STK24: variants seen among roughly 807,000 people sequenced by gnomAD.
STK24 encodes serine/threonine kinase 24, also known as serine/threonine-protein kinase 24.
Under a neutral mutation model 55.6 loss-of-function variants are expected in STK24, and 21 were observed. The ratio of observed to expected loss-of-function variants is 0.38; its 90% CI spans 0.27 to 0.54. The LOEUF (loss-of-function observed/expected upper bound fraction) is 0.54. STK24 is among the 20% of genes least tolerant of loss of function. The pLI, the probability that STK24 is intolerant of heterozygous loss-of-function variation, is 0.79. For missense variants in STK24, 383 were observed against 538.4 expected (o/e 0.71, Z 2.86); for synonymous variants, 200 against 215.2 (o/e 0.93, Z 0.62).
chr13:98,505,391 A>G (rs1895646847), intron 2 of STK24, among the ~76,000 whole-genome samples: 1 of 152,254 alleles, frequency 6.6e-6, no homozygotes, highest in Admixed American at 6.5e-5. Context: ...TCCAAAATTC[A>G]TGTACTATAC....
At chr13:98,575,787 C>T (rs1279648453) in intron 1 of STK24, among the ~76,000 whole-genome samples, 1 of 152,166 alleles carries the variant, frequency 6.6e-6, no homozygotes, top group Non-Finnish European at 1.5e-5. Context: ...CCTAAGATTT[C>T]CATCCTAAGC....
At position 98,463,801 on chromosome 13, in the gene STK24, A is replaced by G. The variant is rs758069761; in HGVS notation, c.819T>C (p.Phe273=). The part of the protein sequence containing the change: ...PTAKELLKHK[F]ILRNAKKTSY... ...AAGTTTTCTTTGCATTGCGTAGTAT[A>G]AACTTGTGCTTCAATAACTCCTTAG... Residue 273 remains phenylalanine (F), a synonymous_variant, in exon 7 of 11, where the codon TTT becomes TTC. Coordinates refer to ENST00000539966, the MANE Select transcript of STK24 (RefSeq NM_001032296.4). The G allele has an allele frequency of 6.2e-7, 1 of 1,614,160 alleles. No individual in the cohort carries two copies. The highest frequency in any genetic ancestry group is 1.1e-5 in the South Asian group (1 of 91,084).
At chr13:98,563,275 A>G (rs1897476435) in intron 1 of STK24, among the ~76,000 whole-genome samples, 1 of 152,196 alleles carries the variant, frequency 6.6e-6, no homozygotes, top group African/African-American at 2.4e-5. Flanking sequence ...TAGATGGCAC[A>G]CTTCAATCGC....
rs56021612 is a variant in STK24, at chr13:98,448,737, GTGTTTGTTTGTT to G, written c.*4424_*4435del. 1 of 157,484 alleles carries G rather than the reference GTGTTTGTTTGTT, an allele frequency of 6.3e-6. No homozygotes were observed. Among genetic ancestry groups the G allele is most frequent in the Non-Finnish European group, 1.4e-5 (1 of 71,874 alleles). 9.8% of individuals were successfully genotyped at this position (157,484 alleles called of 1,614,324 possible). On this transcript the variant is annotated 3_prime_UTR_variant, in exon 11 of 11. Transcript: ENST00000539966. The stretch of plus-strand genomic sequence containing the variant: ...TGCATTTTACGAAGTGGACTTCCCG[GTGTTTGTTTGTT>G]TGTTTGCAATACACTCAGTGCAGCC...
At chr13:98,465,149 G>C (rs1893880923) in intron 6 of STK24, among the ~76,000 whole-genome samples, 1 of 152,182 alleles carries the variant, frequency 6.6e-6, no homozygotes, top group African/African-American at 2.4e-5. Context: ...CAGACAGCAG[G>C]AACACCCAAA....
At chr13:98,475,076 C>A in intron 4 of STK24, 98 bp from the exon 5 acceptor site, 21 of 1,476,014 alleles carry the variant, frequency 1.4e-5, no homozygotes, top group Non-Finnish European at 1.8e-5. Flanking sequence ...GCGAACCCAC[C>A]GAGCACAGGC....
At chr13:98,479,196 G>C (rs1247285689) in intron 3 of STK24, among the ~76,000 whole-genome samples, 1 of 152,230 alleles carries the variant, frequency 6.6e-6, no homozygotes, top group Non-Finnish European at 1.5e-5. Context: ...TGGAACTTGA[G>C]AGATGACTGA....
At chr13:98,549,308 T>G (rs1193129653) in intron 1 of STK24, among the ~76,000 whole-genome samples, 1 of 152,330 alleles carries the variant, frequency 6.6e-6, no homozygotes, top group East Asian at 1.9e-4. Flanking sequence ...ATTCGGTGTG[T>G]ACTGAGTGCC....
intron 1 of STK24, among the ~76,000 whole-genome samples, chr13:98,545,429 G>A (rs1281167948): frequency 2.0e-5 from 3 of 152,048 alleles, no homozygotes; most frequent in East Asian, 1.9e-4. Context: ...GGTGGATCAC[G>A]AGGTCAGGAG....
In STK24 at chr13:98,451,707, A is replaced by G. The variant is rs1329126301; in HGVS notation, c.*1466T>C. On this transcript the variant is annotated 3_prime_UTR_variant, in exon 11 of 11. Transcript: ENST00000539966. The stretch of plus-strand genomic sequence containing the variant: ...CCACAAGAACTGGCACACCCACGGG[A>G]GATGTCAATCATCAGCTTCAACAAA... 1 of 152,212 alleles carries G rather than the reference A, an allele frequency of 6.6e-6. No homozygotes were observed. Among genetic ancestry groups the G allele is most frequent in the Non-Finnish European group, 1.5e-5 (1 of 68,044 alleles). The allele number at this position is 152,212 out of a possible 1,614,324, so 9.4% of individuals were successfully genotyped here.
At chr13:98,520,745 A>G (rs548795959) in intron 1 of STK24, among the ~76,000 whole-genome samples, 1 of 152,336 alleles carries the variant, frequency 6.6e-6, no homozygotes, top group East Asian at 1.9e-4. Flanking sequence ...TCTCCAAGAG[A>G]ACTGTTGAAA....
chr13:98,473,626 C>T (rs1894246441), intron 5 of STK24, among the ~76,000 whole-genome samples: 1 of 152,160 alleles, frequency 6.6e-6, no homozygotes, highest in Non-Finnish European at 1.5e-5. Context: ...GGGCACACAC[C>T]CAAGACCAGC....
At chr13:98,459,094 G>T (rs1446305788) in intron 9 of STK24, among the ~76,000 whole-genome samples, 1 of 152,166 alleles carries the variant, frequency 6.6e-6, no homozygotes, top group East Asian at 1.9e-4. Context: ...GAATGAAAAA[G>T]TCCATGCACT....
rs1392652949 is a variant in STK24, at chr13:98,548,345, G to A, written c.42+28400C>T. On this transcript the variant is annotated intron_variant, in intron 1 of 10. Coordinates refer to ENST00000539966, the MANE Select transcript of STK24 (RefSeq NM_001032296.4). ...TATGGTGTGACCTGCAGCCTCAGCT[G>A]TGTTGTCCTTTCTAAGCCACAACTG... Among the ~76,000 whole-genome samples the A allele has an allele frequency of 3.9e-5, 6 of 152,306 alleles. 1 individual carries two copies. The highest frequency in any genetic ancestry group is 1.4e-4 in the African/African-American group (6 of 41,556).
rs754656841 is a variant in STK24 at position 98,446,646 on chromosome 13, G to T, written c.*6527C>A. 1.2e-6 allele frequency: 2 copies of T among 1,612,938 alleles called. No homozygotes were observed. The highest frequency in any genetic ancestry group is 1.7e-6 in the Non-Finnish European group (2 of 1,179,092). ...GAAGCTGACCCCGAAAAGCCACTTT[G>T]CTTTGTTTCCCCTTTCCAGGACAAT... On this transcript the variant is annotated 3_prime_UTR_variant, in exon 11 of 11. Transcript: ENST00000539966.
chr13:98,495,165 T>C (rs529123024), intron 2 of STK24, among the ~76,000 whole-genome samples: 2 of 152,350 alleles, frequency 1.3e-5, no homozygotes, highest in East Asian at 3.9e-4. Flanking sequence ...AGCAGGTGTC[T>C]TTACTTACTC....
rs563834915 is a variant in STK24, at chr13:98,485,394, C to T, written c.274-3073G>A. Among the ~76,000 whole-genome samples, 48 of 152,174 alleles carry T rather than the reference C, an allele frequency of 3.2e-4. No individual in the cohort carries two copies. The East Asian group carries it at 9.1e-3, about 29-fold the overall frequency. ...TGCTCAGTCAGTTCCTGGGTGGGGG[C>T]CACAAGATCAGATGAACCAGTTTAT... On this transcript the variant is annotated intron_variant, in intron 2 of 10. Coordinates refer to ENST00000539966, the MANE Select transcript of STK24 (RefSeq NM_001032296.4).
At chr13:98,492,076 CGTGTGTGTGTGTGTGTGT>C (rs56956881) in intron 2 of STK24, among the ~76,000 whole-genome samples, 7 of 149,636 alleles carry the variant, frequency 4.7e-5, no homozygotes, top group African/African-American at 1.5e-4. Context: ...AGTGCGTGCG[CGTGTGTGTGTGTGTGTGT>C]GTGTGTGTGT....
chr13:98,478,108 G>T (rs1281531629), intron 3 of STK24, among the ~76,000 whole-genome samples: 8 of 152,218 alleles, frequency 5.3e-5, no homozygotes, highest in African/African-American at 1.9e-4. Flanking sequence ...ACCCCCCAGA[G>T]TGCCTCATGA....
Sources: allele counts gnomAD v4.1 joint callset (sites outside exome capture counted in the v4.1 genomes callset), GRCh38; gene constraint gnomAD v4.1.1; transcripts MANE v1.5; gene names NCBI Gene and HGNC (gene_info 2026-07-23, HGNC 2026-07-21).